Variants in CLSTN2 observed in about 807,000 individuals in gnomAD.
CLSTN2 encodes calsyntenin-2.
A neutral mutation model predicts 101.2 loss-of-function variants in CLSTN2; 48 were observed. The observed-to-expected ratio is 0.47, with a 90% CI of 0.38 to 0.60. The LOEUF is 0.60. Ranked by LOEUF, CLSTN2 falls within the 20% of genes least tolerant of loss-of-function variation. The pLI is 0.00. For missense variants in CLSTN2, 1,160 were observed against 1,238.2 expected (o/e 0.94, Z 0.95); for synonymous variants, 481 against 463.6 (o/e 1.04, Z -0.48).
At chr3:140,207,721 A>G (rs892895302) in intron 2 of CLSTN2, among the ~76,000 whole-genome samples, 2 of 152,128 alleles carry the variant, frequency 1.3e-5, no homozygotes, top group Non-Finnish European at 2.9e-5. Flanking sequence ...GTAAATACCT[A>G]GGATTCGAAT....
At chr3:140,436,124 T>C (rs933803746) in intron 5 of CLSTN2, among the ~76,000 whole-genome samples, 1 of 152,018 alleles carries the variant, frequency 6.6e-6, no homozygotes, top group African/African-American at 2.4e-5. Flanking sequence ...TTGCCTGTGC[T>C]TGTGGGGTGT....
chr3:140,191,713 A>G (rs1439678536), intron 2 of CLSTN2, among the ~76,000 whole-genome samples: 1 of 151,906 alleles, frequency 6.6e-6, no homozygotes, highest in Non-Finnish European at 1.5e-5. Context: ...TATCCTTTTG[A>G]TATCTGCAGG....
At chr3:140,354,703 G>A (rs1303154588) in intron 2 of CLSTN2, among the ~76,000 whole-genome samples, 2 of 152,140 alleles carry the variant, frequency 1.3e-5, no homozygotes, top group Non-Finnish European at 1.5e-5. Flanking sequence ...GCTGAATTAG[G>A]CTTGGTCCAT....
chr3:140,349,965 C>A (rs972709338), intron 2 of CLSTN2, among the ~76,000 whole-genome samples: 1 of 152,202 alleles, frequency 6.6e-6, no homozygotes, highest in Non-Finnish European at 1.5e-5. Flanking sequence ...TTGTTGACAT[C>A]TCTCATAGAT....
intron 1 of CLSTN2, among the ~76,000 whole-genome samples, chr3:139,956,597 C>A (rs1935405977): frequency 6.6e-6 from 1 of 152,168 alleles, no homozygotes; most frequent in African/African-American, 2.4e-5. Context: ...GGAACAGACT[C>A]TCTTTTTTCC....
intron 2 of CLSTN2, among the ~76,000 whole-genome samples, chr3:140,299,501 C>T (rs149601952): frequency 6.2e-4 from 94 of 152,274 alleles, no homozygotes; most frequent in African/African-American, 1.7e-3. Flanking sequence ...ACGTTTCATT[C>T]GTGTTAACTG....
Position 140,098,683 on chromosome 3 carries a change from T to C in CLSTN2, c.110-77268T>C, listed in dbSNP as rs189602298. On this transcript the variant is annotated intron_variant, in intron 1 of 16. Coordinates refer to ENST00000458420, the MANE Select transcript of CLSTN2 (RefSeq NM_022131.3). ...ACTCAAACATGTAATCTTCCCTGAA[T>C]GCAGTTCACTGTTTTATGGTAGACA... 5.3e-3 allele frequency among the ~76,000 whole-genome samples: 801 copies of C among 152,366 alleles called. 7 individuals carry two copies. Among genetic ancestry groups the C allele is most frequent in the Non-Finnish European group, 6.4e-3 (433 of 68,034 alleles).
At chr3:140,418,490 G>GTTCTTTCT (rs368168635) in intron 4 of CLSTN2, among the ~76,000 whole-genome samples, 3 of 128,776 alleles carry the variant, frequency 2.3e-5, no homozygotes, top group East Asian at 2.2e-4. Flanking sequence ...GATTATTCTA[G>GTTCTTTCT]TTCTTTCTTT....
At chr3:140,060,613 A>C (rs2162212) in intron 1 of CLSTN2, among the ~76,000 whole-genome samples, 18,998 of 152,124 alleles carry the variant, frequency 0.12, 1,665 homozygotes, top group African/African-American at 0.25. Context: ...AGCCCAGTGG[A>C]TACCTGGCTC....
At chr3:140,180,683 G>A (rs954652851) in intron 2 of CLSTN2, among the ~76,000 whole-genome samples, 4 of 152,120 alleles carry the variant, frequency 2.6e-5, no homozygotes, top group Non-Finnish European at 5.9e-5. Flanking sequence ...TCTACATTGG[G>A]CCAGTCTGGA....
intron 2 of CLSTN2, among the ~76,000 whole-genome samples, chr3:140,370,289 G>A (rs1369884022): frequency 6.6e-6 from 1 of 151,406 alleles, no homozygotes; most frequent in East Asian, 1.9e-4. Context: ...CAGAATCGCT[G>A]GTCCCAAGGA....
At chr3:140,268,280 G>A (rs2086713385) in intron 2 of CLSTN2, among the ~76,000 whole-genome samples, 1 of 152,130 alleles carries the variant, frequency 6.6e-6, no homozygotes, top group African/African-American at 2.4e-5. Context: ...AGGAGCAGTG[G>A]ATGTGTGTGC....
At chr3:140,318,509 A>G (rs1365703204) in intron 2 of CLSTN2, among the ~76,000 whole-genome samples, 1 of 152,178 alleles carries the variant, frequency 6.6e-6, no homozygotes, top group Non-Finnish European at 1.5e-5. Flanking sequence ...TCGTATGTCT[A>G]TGTCTAGGAG....
rs57433306 is a variant in CLSTN2 at position 140,179,620 on chromosome 3, C to CAAAAA, written c.232+3575_232+3579dup. ...TGCACTCCAGAGCAAGACCCTATCTCAAAAAAAAAAAAAAAAAAAAAAAAA... is the reference window on the plus strand; with the variant it reads ...TGCACTCCAGAGCAAGACCCTATCTCAAAAAAAAAAAAAAAAAAAAAAAAAAAAAA... On this transcript the variant is annotated intron_variant, in intron 2 of 16. Transcript: ENST00000458420. Among the ~76,000 whole-genome samples the CAAAAA allele has an allele frequency of 8.0e-4, 30 of 37,464 alleles. 1 individual carries two copies. Among genetic ancestry groups the CAAAAA allele is most frequent in the Middle Eastern group, 0.05 (1 of 20 alleles). 24.6% of individuals were successfully genotyped at this position (37,464 alleles called of 152,430 possible).
At chr3:140,413,921 A>G (rs1020285011) in intron 4 of CLSTN2, among the ~76,000 whole-genome samples, 1 of 152,150 alleles carries the variant, frequency 6.6e-6, no homozygotes, top group Non-Finnish European at 1.5e-5. Context: ...ACTGTATATT[A>G]CAAGGCCACA....
intron 2 of CLSTN2, among the ~76,000 whole-genome samples, chr3:140,333,875 C>T (rs1291999341): frequency 6.6e-6 from 1 of 152,062 alleles, no homozygotes; most frequent in East Asian, 1.9e-4. Context: ...TTTGCAGCTC[C>T]ATATTCAGTC....
intron 5 of CLSTN2, among the ~76,000 whole-genome samples, chr3:140,424,143 T>C (rs2088535813): frequency 6.6e-6 from 1 of 152,170 alleles, no homozygotes; most frequent in South Asian, 2.1e-4. Flanking sequence ...TCCTTAATTT[T>C]TTCCCCCAGC....
intron 2 of CLSTN2, among the ~76,000 whole-genome samples, chr3:140,265,304 A>T (rs958009168): frequency 1.3e-5 from 2 of 152,176 alleles, no homozygotes; most frequent in African/African-American, 4.8e-5. Flanking sequence ...GGCAATGCAC[A>T]GGGGGGCTGA....
chr3:140,257,596 G>T (rs1030185065), intron 2 of CLSTN2, among the ~76,000 whole-genome samples: 2 of 150,066 alleles, frequency 1.3e-5, no homozygotes, highest in Non-Finnish European at 2.9e-5. Flanking sequence ...GTGTGTGTGT[G>T]TGTGTCTGCT....
Sources: allele counts gnomAD v4.1 joint callset (sites outside exome capture counted in the v4.1 genomes callset), GRCh38; gene constraint gnomAD v4.1.1; transcripts MANE v1.5; gene names NCBI Gene and HGNC (gene_info 2026-07-23, HGNC 2026-07-21).